NUMB: variants seen among roughly 807,000 people sequenced by gnomAD.
NUMB encodes the protein protein numb homolog.
Under a neutral mutation model 59.7 loss-of-function variants are expected in NUMB, and 29 were observed. The ratio of observed to expected loss-of-function variants is 0.49; its 90% CI spans 0.36 to 0.66. The LOEUF (loss-of-function observed/expected upper bound fraction) is 0.66. Among genes scored for constraint, NUMB ranks in the 30% least tolerant of loss-of-function variants. The probability of loss-of-function intolerance (pLI) is 0.00; values close to 1 mark genes in which losing one functional copy is unlikely to be tolerated. For synonymous variants in NUMB, 288 were observed against 288.2 expected (o/e 1.00, Z 0.01); for missense variants, 723 against 822.0 (o/e 0.88, Z 1.47).
rs182953142 is a variant in NUMB, at chr14:73,339,314, T to G, written c.127-16110A>C. Among the ~76,000 whole-genome samples the G allele has an allele frequency of 3.4e-3, 520 of 152,274 alleles. 4 individuals are homozygous for G. The highest frequency in any genetic ancestry group is 5.7e-3 in the Non-Finnish European group (389 of 68,030). ...CTAAACCAATGGTCTGGTATCCTGT[T>G]ACTTATCTAATCTCATCTCATCTCT... On this transcript the variant is annotated intron_variant, in intron 4 of 12. Coordinates refer to ENST00000555238, the MANE Select transcript of NUMB (RefSeq NM_001005743.2).
intron 2 of NUMB, among the ~76,000 whole-genome samples, chr14:73,383,108 T>C (rs1895331491): frequency 6.6e-6 from 1 of 152,214 alleles, no homozygotes; most frequent in African/African-American, 2.4e-5. Context: ...ATTGTGCCAC[T>C]GCACTCCAGC....
At chr14:73,458,203 C>G (rs528709640) in intron 1 of NUMB, 2 of 152,688 alleles carry the variant, frequency 1.3e-5, no homozygotes, top group Admixed American at 6.5e-5. Context: ...CGCGCTAGAC[C>G]GGAGCAGCTG....
rs1452866450 is a variant in NUMB, at chr14:73,284,328, G to A, written c.702C>T (p.Asn234=). 6.2e-7 allele frequency: 1 copy of A among 1,614,120 alleles called. No individual in the cohort carries two copies. Among genetic ancestry groups the A allele is most frequent in the South Asian group, 1.1e-5 (1 of 91,086 alleles). The change falls in exon 10 of 13, where the codon AAC becomes AAT. Residue 234 remains asparagine, a synonymous_variant. Transcript: ENST00000555238. The part of the protein sequence containing the change: ...IVVGSSVAPG[N]TAPSPSSPTS... ...TGGGAGAGGATGGGGATGGGGCAGTGTTGCCAGGGGCAACTGATGAACCAA... is the reference window on the plus strand; with the variant it reads ...TGGGAGAGGATGGGGATGGGGCAGTATTGCCAGGGGCAACTGATGAACCAA...
chr14:73,323,348 A>C (rs1271364236), intron 4 of NUMB, 144 bp from the exon 5 acceptor site: 1 of 535,900 alleles, frequency 1.9e-6, no homozygotes, highest in Non-Finnish European at 3.3e-6. Context: ...GGTGTCAAGC[A>C]TGTTGGATAA....
intron 2 of NUMB, among the ~76,000 whole-genome samples, chr14:73,385,132 A>T (rs1895441030): frequency 6.6e-6 from 1 of 151,708 alleles, no homozygotes; most frequent in African/African-American, 2.4e-5. Flanking sequence ...CGAGCACTTG[A>T]AATGTGGCTA....
At chr14:73,353,314 C>T (rs1260848778) in intron 4 of NUMB, among the ~76,000 whole-genome samples, 26 of 149,138 alleles carry the variant, frequency 1.7e-4, no homozygotes, top group Non-Finnish European at 3.0e-4. Flanking sequence ...CTTGAACTCC[C>T]GACCTCAGGT....
rs372814310 is a variant in NUMB at position 73,374,872 on chromosome 14, C to T, written c.-100-7891G>A. ...AATAGCTGGGATTACAGGCGCCCACCACCATGCCCAGCTAATTTTTGCATT... is the reference window on the plus strand; with the variant it reads ...AATAGCTGGGATTACAGGCGCCCACTACCATGCCCAGCTAATTTTTGCATT... On this transcript the variant is annotated intron_variant, in intron 2 of 12. Coordinates refer to ENST00000555238, the MANE Select transcript of NUMB (RefSeq NM_001005743.2). Among the ~76,000 whole-genome samples the T allele has an allele frequency of 5.3e-5, 8 of 152,104 alleles. No individual in the cohort carries two copies. The East Asian group carries it at 7.7e-4, about 15-fold the overall frequency.
chr14:73,326,584 C>T (rs984607684), intron 4 of NUMB, among the ~76,000 whole-genome samples: 7 of 151,652 alleles, frequency 4.6e-5, no homozygotes, highest in African/African-American at 1.7e-4. Context: ...CCGAGATCAC[C>T]CCATTGTACT....
At chr14:73,456,942 C>T (rs1415077216) in intron 1 of NUMB, among the ~76,000 whole-genome samples, 1 of 152,150 alleles carries the variant, frequency 6.6e-6, no homozygotes, top group Admixed American at 6.6e-5. Context: ...CAGGTCTTTA[C>T]CTTCTATTTA....
At chr14:73,442,879 T>C (rs1470899208) in intron 1 of NUMB, among the ~76,000 whole-genome samples, 1 of 152,190 alleles carries the variant, frequency 6.6e-6, no homozygotes, top group Non-Finnish European at 1.5e-5. Context: ...TTTTCTTTTT[T>C]TGAGACAGGG....
chr14:73,379,153 C>A (rs1170828984), intron 2 of NUMB, among the ~76,000 whole-genome samples: 1 of 152,216 alleles, frequency 6.6e-6, no homozygotes, highest in Non-Finnish European at 1.5e-5. Flanking sequence ...ACCCAATTAA[C>A]TCAACTACCT....
chr14:73,349,424 C>T (rs1042476701), intron 4 of NUMB, among the ~76,000 whole-genome samples: 24 of 151,934 alleles, frequency 1.6e-4, no homozygotes, highest in African/African-American at 5.3e-4. Flanking sequence ...CCCATCTCTA[C>T]TAAAAATACA....
intron 1 of NUMB, chr14:73,457,533 C>T (rs1459941332): frequency 1.3e-5 from 2 of 152,260 alleles, no homozygotes; most frequent in Admixed American, 6.5e-5. Context: ...TTATCCCCTC[C>T]TATAGGGATT....
chr14:73,369,177 G>A (rs957963645), intron 2 of NUMB, among the ~76,000 whole-genome samples: 2 of 151,942 alleles, frequency 1.3e-5, no homozygotes, highest in African/African-American at 4.8e-5. Context: ...GAGTAGCTGG[G>A]ATTACAGGTG....
At chr14:73,382,211 A>C (rs1895276826) in intron 2 of NUMB, among the ~76,000 whole-genome samples, 1 of 152,178 alleles carries the variant, frequency 6.6e-6, no homozygotes, top group African/African-American at 2.4e-5. Flanking sequence ...CAATGGCACG[A>C]TCTTGGCTCA....
At chr14:73,408,655 A>T (rs545433934) in intron 2 of NUMB, among the ~76,000 whole-genome samples, 1 of 152,252 alleles carries the variant, frequency 6.6e-6, no homozygotes, top group East Asian at 1.9e-4. Flanking sequence ...AGGAGGGTGG[A>T]TCACCTGAGG....
intron 4 of NUMB, among the ~76,000 whole-genome samples, chr14:73,330,297 G>C (rs1009802305): frequency 6.6e-6 from 1 of 152,164 alleles, no homozygotes; most frequent in Non-Finnish European, 1.5e-5. Flanking sequence ...CTCCCAAAGT[G>C]CTGAGATTAC....
At chr14:73,419,109 T>A (rs994930991) in intron 1 of NUMB, among the ~76,000 whole-genome samples, 1 of 152,142 alleles carries the variant, frequency 6.6e-6, no homozygotes, top group Admixed American at 6.5e-5. Context: ...GTTCATAATG[T>A]CAGGTTTATA....
At chr14:73,372,403 G>T (rs1302656978) in intron 2 of NUMB, among the ~76,000 whole-genome samples, 1 of 119,268 alleles carries the variant, frequency 8.4e-6, no homozygotes, top group Non-Finnish European at 1.7e-5. Flanking sequence ...CAGTGTATAC[G>T]CATACACACA....
Sources: allele counts gnomAD v4.1 joint callset (sites outside exome capture counted in the v4.1 genomes callset), GRCh38; gene constraint gnomAD v4.1.1; transcripts MANE v1.5; gene names NCBI Gene and HGNC (gene_info 2026-07-23, HGNC 2026-07-21).